The following SPOCK3 variants were observed in gnomAD, a reference collection of about 807,000 sequenced individuals.
SPOCK3 encodes the protein SPARC (osteonectin), cwcv and kazal like domains proteoglycan 3.
Under a neutral mutation model 56.6 loss-of-function variants are expected in SPOCK3, and 30 were observed. The ratio of observed to expected loss-of-function variants is 0.53; its 90% CI spans 0.40 to 0.72. SPOCK3 has a LOEUF of 0.72. Ranked by LOEUF, SPOCK3 falls within the 30% of genes least tolerant of loss-of-function variation. The pLI, the probability that SPOCK3 is intolerant of heterozygous loss-of-function variation, is 0.00. For missense variants in SPOCK3, 527 were observed against 530.0 expected (o/e 0.99, Z 0.06); for synonymous variants, 196 against 183.3 (o/e 1.07, Z -0.56).
At chr4:166,927,777 A>G (rs1008636090) in intron 4 of SPOCK3, among the ~76,000 whole-genome samples, 2 of 152,214 alleles carry the variant, frequency 1.3e-5, no homozygotes, top group African/African-American at 2.4e-5. Flanking sequence ...CAGCGTCAAG[A>G]GAATGATGAG....
chr4:167,001,267 T>A (rs564850316), intron 3 of SPOCK3, among the ~76,000 whole-genome samples: 1 of 152,282 alleles, frequency 6.6e-6, no homozygotes, highest in Non-Finnish European at 1.5e-5. Context: ...CGTCTTGTTA[T>A]CATTATCATC....
chr4:167,005,355 G>A (rs368505315), intron 3 of SPOCK3, among the ~76,000 whole-genome samples: 4 of 151,658 alleles, frequency 2.6e-5, no homozygotes, highest in East Asian at 1.9e-4. Flanking sequence ...GACTACAGGC[G>A]CCCACCACCA....
At position 167,193,120 on chromosome 4, in the gene SPOCK3, T is replaced by G. The variant is rs1038209882; in HGVS notation, c.189+40865A>C. ...GTCTGTTGGGTCCATTCATTTACAT[T>G]TAAAGTTATTACTAATTTGCAAGGA... On this transcript the variant is annotated intron_variant, in intron 2 of 10. Transcript: ENST00000357545. 8.9e-5 allele frequency among the ~76,000 whole-genome samples: 13 copies of G among 145,904 alleles called. 1 individual carries two copies. The highest frequency in any genetic ancestry group is 3.4e-4 in the African/African-American group (13 of 38,212).
intron 5 of SPOCK3, among the ~76,000 whole-genome samples, chr4:166,894,409 GA>G (rs1735133227): frequency 6.6e-6 from 1 of 152,048 alleles, no homozygotes; most frequent in Non-Finnish European, 1.5e-5. Flanking sequence ...TAGGCAAACT[GA>G]AAATGAGAAA....
At chr4:167,137,645 C>T (rs920114410) in intron 2 of SPOCK3, among the ~76,000 whole-genome samples, 3 of 151,874 alleles carry the variant, frequency 2.0e-5, no homozygotes, top group African/African-American at 7.2e-5. Context: ...AGGGGTATCA[C>T]TTTTTATGTA....
intron 6 of SPOCK3, among the ~76,000 whole-genome samples, chr4:166,863,099 T>A (rs1041203782): frequency 2.0e-5 from 3 of 151,804 alleles, no homozygotes; most frequent in Non-Finnish European, 2.9e-5. Flanking sequence ...AGAGTGGGGG[T>A]CAATATTCAA....
intron 10 of SPOCK3, among the ~76,000 whole-genome samples, chr4:166,736,891 T>G (rs1156633119): frequency 1.3e-5 from 2 of 152,122 alleles, no homozygotes; most frequent in Non-Finnish European, 2.9e-5. Context: ...CTATTTTAAA[T>G]ATATACATAA....
At chr4:166,969,856 T>C (rs952892355) in intron 4 of SPOCK3, among the ~76,000 whole-genome samples, 5 of 152,204 alleles carry the variant, frequency 3.3e-5, no homozygotes, top group Admixed American at 3.3e-4. Context: ...CTATAGCCAT[T>C]GCCTATTATG....
intron 2 of SPOCK3, among the ~76,000 whole-genome samples, chr4:167,105,762 A>C (rs1191891210): frequency 6.6e-6 from 1 of 151,948 alleles, no homozygotes; most frequent in African/African-American, 2.4e-5. Context: ...TTTACCTGTA[A>C]AGACACATAT....
chr4:166,809,639 T>A (rs931620169), intron 6 of SPOCK3, among the ~76,000 whole-genome samples: 1 of 152,124 alleles, frequency 6.6e-6, no homozygotes, highest in Non-Finnish European at 1.5e-5. Context: ...TTGTTTTTGC[T>A]TCATCAATAC....
At chr4:167,149,993 G>T (rs2150414438) in intron 2 of SPOCK3, among the ~76,000 whole-genome samples, 1 of 152,220 alleles carries the variant, frequency 6.6e-6, no homozygotes, top group African/African-American at 2.4e-5. Context: ...TCATGAGGAT[G>T]AAATTGGGTG....
At chr4:166,976,302 C>T (rs1745937566) in intron 4 of SPOCK3, among the ~76,000 whole-genome samples, 1 of 152,116 alleles carries the variant, frequency 6.6e-6, no homozygotes, top group Admixed American at 6.6e-5. Context: ...TTCATAAGCT[C>T]AATTCTTTTT....
intron 6 of SPOCK3, among the ~76,000 whole-genome samples, chr4:166,801,470 T>C (rs574095647): frequency 5.3e-5 from 8 of 151,738 alleles, no homozygotes; most frequent in African/African-American, 1.5e-4. Context: ...AAATATTGTG[T>C]CAAGAATATA....
rs576477158 is a variant in SPOCK3 at position 166,907,636 on chromosome 4, G to C, written c.474+4984C>G. Among the ~76,000 whole-genome samples, 8 of 152,196 alleles carry C rather than the reference G, an allele frequency of 5.3e-5. No homozygotes were observed. In the East Asian group the frequency reaches 1.5e-3, roughly 29 times the overall value. ...GGAAACAAAATCAGTGTAAGGAGAG[G>C]AAGGCTTTTCTGACAATTAGAACAC... On this transcript the variant is annotated intron_variant, in intron 5 of 10. Coordinates refer to ENST00000357545, the MANE Select transcript of SPOCK3 (RefSeq NM_001040159.2).
At chr4:166,996,874 T>C (rs767577843) in intron 4 of SPOCK3, among the ~76,000 whole-genome samples, 14 of 152,182 alleles carry the variant, frequency 9.2e-5, no homozygotes, top group Non-Finnish European at 1.8e-4. Flanking sequence ...TTTAAAACGC[T>C]GAGGAAGGAG....
chr4:166,746,482 G>T (rs1211516412), intron 8 of SPOCK3, among the ~76,000 whole-genome samples: 1 of 152,138 alleles, frequency 6.6e-6, no homozygotes, highest in Non-Finnish European at 1.5e-5. Context: ...CACATTTAAA[G>T]CAGTGTGGAG....
chr4:167,083,099 A>G (rs991462717), intron 2 of SPOCK3: 11 of 738,320 alleles, frequency 1.5e-5, no homozygotes, highest in African/African-American at 3.4e-5. Flanking sequence ...CCCCCCTCAC[A>G]CAATGAATGA....
intron 3 of SPOCK3, among the ~76,000 whole-genome samples, chr4:167,016,006 C>T (rs978100504): frequency 5.3e-5 from 8 of 151,950 alleles, no homozygotes; most frequent in Non-Finnish European, 1.2e-4. Context: ...AGTATTTATC[C>T]AAATATTCAA....
chr4:166,821,980 C>T (rs1744982030), intron 6 of SPOCK3, among the ~76,000 whole-genome samples: 1 of 151,828 alleles, frequency 6.6e-6, no homozygotes, highest in South Asian at 2.1e-4. Context: ...AAAAAATATA[C>T]AAATGATCGA....
Sources: allele counts gnomAD v4.1 joint callset (sites outside exome capture counted in the v4.1 genomes callset), GRCh38; gene constraint gnomAD v4.1.1; transcripts MANE v1.5; gene names NCBI Gene and HGNC (gene_info 2026-07-23, HGNC 2026-07-21).